TBC1D4: variants seen among roughly 807,000 people sequenced by gnomAD.
The protein encoded by TBC1D4 is TBC1 domain family member 4.
A neutral mutation model predicts 142.5 loss-of-function variants in TBC1D4; 121 were observed. The observed-to-expected ratio is 0.85, with a 90% CI of 0.73 to 0.99. The LOEUF is 0.99. Ranked by LOEUF, TBC1D4 falls within the 50% of genes least tolerant of loss-of-function variation. The pLI, the probability that TBC1D4 is intolerant of heterozygous loss-of-function variation, is 0.00. For missense variants in TBC1D4, 1,475 were observed against 1,606.6 expected (o/e 0.92, Z 1.40); for synonymous variants, 630 against 628.2 (o/e 1.00, Z -0.04).
intron 1 of TBC1D4, among the ~76,000 whole-genome samples, chr13:75,431,328 T>C (rs1026446636): frequency 7.9e-5 from 12 of 152,250 alleles, no homozygotes; most frequent in African/African-American, 2.9e-4. Flanking sequence ...GCTAGGGTTA[T>C]AGAAAACTCT....
At chr13:75,399,586 G>A (rs1884976664) in intron 1 of TBC1D4, among the ~76,000 whole-genome samples, 1 of 152,198 alleles carries the variant, frequency 6.6e-6, no homozygotes, top group Non-Finnish European at 1.5e-5. Context: ...ATCTGAGTCG[G>A]AGCCTGATGC....
In TBC1D4 at chr13:75,319,998, G is replaced by A. The variant is rs575014184; in HGVS notation, c.2222+16C>T. On this transcript the variant is annotated intron_variant, in intron 12 of 20. Coordinates refer to ENST00000377636, the MANE Select transcript of TBC1D4 (RefSeq NM_014832.5). ...GTGAATTTTTTTTAAATAAAAATAC[G>A]TAGACCTCTAATCACCTTGATTCTG... is the stretch of plus-strand genomic sequence containing the variant. 68 of 1,611,794 alleles carry A rather than the reference G, an allele frequency of 4.2e-5. No individual in the cohort carries two copies. Among genetic ancestry groups the A allele is most frequent in the East Asian group, 2.2e-4 (10 of 44,732 alleles).
At chr13:75,480,348 A>AT (rs1888785763) in intron 1 of TBC1D4, among the ~76,000 whole-genome samples, 1 of 152,190 alleles carries the variant, frequency 6.6e-6, no homozygotes, top group South Asian at 2.1e-4. Flanking sequence ...TTAAAACAGC[A>AT]TTTTGGAAGC....
chr13:75,383,522 A>G (rs1041376569), intron 1 of TBC1D4, among the ~76,000 whole-genome samples: 1 of 152,118 alleles, frequency 6.6e-6, no homozygotes, highest in Non-Finnish European at 1.5e-5. Context: ...CCTTATCTGT[A>G]GTTTCACTTT....
rs558612582 is a variant in TBC1D4 at position 75,323,979 on chromosome 13, AAACG to A, written c.2198+254_2198+257del. The stretch of plus-strand genomic sequence containing the variant: ...AAAGCTTAGACTCTGGAGTTTGAGA[AAACG>A]AAACACACAAACAATACAAAAAGCA... On this transcript the variant is annotated intron_variant, in intron 11 of 20. Coordinates refer to ENST00000377636, the MANE Select transcript of TBC1D4 (RefSeq NM_014832.5). 1.9e-4 allele frequency among the ~76,000 whole-genome samples: 29 copies of A among 152,294 alleles called. No homozygotes were observed. In the East Asian group the frequency reaches 5.4e-3, roughly 28 times the overall value.
At chr13:75,428,135 G>A (rs1886453713) in intron 1 of TBC1D4, among the ~76,000 whole-genome samples, 1 of 152,132 alleles carries the variant, frequency 6.6e-6, no homozygotes, top group South Asian at 2.1e-4. Context: ...CTTCATTAAG[G>A]GGGTGCTTCA....
chr13:75,341,568 G>C lies in TBC1D4; in HGVS notation c.1428C>G (p.Ala476=). 6.2e-7 allele frequency: 1 copy of C among 1,613,950 alleles called. No individual in the cohort carries two copies. Among genetic ancestry groups the C allele is most frequent in the Non-Finnish European group, 8.5e-7 (1 of 1,179,984 alleles). ...ERIEGLYPPR[A]KLVIQRHLSS... ...AGAGATGCCTCTGTATCACCAGCTT[G>C]GCTCTTGGTGGGTAGAGACCTAAGG... Residue 476 remains alanine (A), a synonymous_variant, in exon 6 of 21, where the codon GCC becomes GCG. Coordinates refer to ENST00000377636, the MANE Select transcript of TBC1D4 (RefSeq NM_014832.5).
intron 1 of TBC1D4, among the ~76,000 whole-genome samples, chr13:75,365,168 T>A (rs1211157148): frequency 6.6e-6 from 1 of 152,210 alleles, no homozygotes; most frequent in Non-Finnish European, 1.5e-5. Context: ...CATCTTGAAT[T>A]CTAAACTGAG....
At chr13:75,381,545 T>A (rs145797497) in intron 1 of TBC1D4, among the ~76,000 whole-genome samples, 9 of 152,340 alleles carry the variant, frequency 5.9e-5, no homozygotes, top group Non-Finnish European at 1.0e-4. Context: ...CCAATAAAAA[T>A]TTGACTTGAA....
Position 75,481,952 on chromosome 13 carries a change from G to A in TBC1D4, c.-185C>T, listed in dbSNP as rs1321886615. The stretch of plus-strand genomic sequence containing the variant: ...CCCCATGCAGCACTTCCACGGGCGC[G>A]GCTCGGAGGCTCCGGCGGCGGGCAC... On this transcript the variant is annotated 5_prime_UTR_variant, in exon 1 of 21. Coordinates refer to ENST00000377636, the MANE Select transcript of TBC1D4 (RefSeq NM_014832.5). The A allele has an allele frequency of 4.7e-6, 4 of 850,248 alleles. No homozygotes were observed. The highest frequency in any genetic ancestry group is 4.4e-5 in the Admixed American group (1 of 22,982). The allele number at this position is 850,248 out of a possible 1,614,324, so 52.7% of individuals were successfully genotyped here.
At chr13:75,394,892 C>G (rs1271428046) in intron 1 of TBC1D4, among the ~76,000 whole-genome samples, 1 of 152,152 alleles carries the variant, frequency 6.6e-6, no homozygotes, top group Non-Finnish European at 1.5e-5. Context: ...ATTTATTGAG[C>G]AACTGCAATG....
At chr13:75,301,818 A>G (rs191691154) in intron 16 of TBC1D4, among the ~76,000 whole-genome samples, 16 of 152,244 alleles carry the variant, frequency 1.1e-4, no homozygotes, top group African/African-American at 3.9e-4. Context: ...GTGACATATA[A>G]AGGATTGTTT....
chr13:75,356,051 G>C, intron 4 of TBC1D4, 96 bp downstream of exon 4: 1 of 883,282 alleles, frequency 1.1e-6, no homozygotes, highest in East Asian at 2.5e-5. Context: ...TTTTCCCATA[G>C]ATAGCCATAT....
At chr13:75,325,544 T>C (rs1476561696) in intron 10 of TBC1D4, among the ~76,000 whole-genome samples, 2 of 152,040 alleles carry the variant, frequency 1.3e-5, no homozygotes, top group African/African-American at 4.8e-5. Flanking sequence ...AAGAAGAAAA[T>C]CATTCCAAGT....
chr13:75,355,392 AT>A (rs2138141734), intron 4 of TBC1D4, among the ~76,000 whole-genome samples: 1 of 152,354 alleles, frequency 6.6e-6, no homozygotes, highest in Non-Finnish European at 1.5e-5. Context: ...GGGGAAAAAA[AT>A]CAACTTATTT....
chr13:75,446,178 A>G (rs79636248), intron 1 of TBC1D4, among the ~76,000 whole-genome samples: 6,123 of 152,312 alleles, frequency 0.04, 169 homozygotes, highest in Middle Eastern at 0.065. Context: ...AGAATGTAAT[A>G]TGATTGTTTC....
intron 15 of TBC1D4, among the ~76,000 whole-genome samples, chr13:75,303,890 C>T (rs1284393431): frequency 1.3e-5 from 2 of 152,192 alleles, no homozygotes; most frequent in Non-Finnish European, 2.9e-5. Context: ...CCTCGCTTGA[C>T]TTCCCATTGT....
chr13:75,443,864 C>T (rs1887155790), intron 1 of TBC1D4, among the ~76,000 whole-genome samples: 2 of 152,064 alleles, frequency 1.3e-5, no homozygotes, highest in Admixed American at 6.6e-5. Context: ...CTACCAGCTA[C>T]TTTGAAATCC....
intron 6 of TBC1D4, 107 bp from the exon 7 acceptor site, chr13:75,341,342 G>T: frequency 7.6e-7 from 1 of 1,312,420 alleles, no homozygotes. Context: ...ACTTCGCTCA[G>T]AAGCAAAAGT....
Sources: allele counts gnomAD v4.1 joint callset (sites outside exome capture counted in the v4.1 genomes callset), GRCh38; gene constraint gnomAD v4.1.1; transcripts MANE v1.5; gene names NCBI Gene and HGNC (gene_info 2026-07-23, HGNC 2026-07-21).